DLG2: variants seen among roughly 807,000 people sequenced by gnomAD.
The protein encoded by DLG2 is discs large MAGUK scaffold protein 2.
In DLG2, 45 loss-of-function variants were observed where a neutral mutation model predicts 132.5. The observed-to-expected ratio is 0.34, with a 90% CI of 0.27 to 0.44. The LOEUF is 0.44. DLG2 is among the 20% of genes least tolerant of loss of function. The pLI, the probability that DLG2 is intolerant of heterozygous loss-of-function variation, is 1.00. For missense variants in DLG2, 1,045 were observed against 1,196.9 expected (o/e 0.87, Z 1.87); for synonymous variants, 424 against 419.6 (o/e 1.01, Z -0.13).
At chr11:85,606,609 C>G (rs2080566028) in intron 2 of DLG2, among the ~76,000 whole-genome samples, 1 of 152,180 alleles carries the variant, frequency 6.6e-6, no homozygotes, top group Non-Finnish European at 1.5e-5. Flanking sequence ...GAGCCAGCAG[C>G]AGCAACCTGC....
At chr11:84,339,784 G>A (rs1228562290) in intron 7 of DLG2, among the ~76,000 whole-genome samples, 5 of 152,166 alleles carry the variant, frequency 3.3e-5, no homozygotes, top group East Asian at 3.9e-4. Flanking sequence ...TACTCATAGA[G>A]CATTGTTGCT....
At chr11:84,953,944 G>A (rs2051290772) in intron 6 of DLG2, among the ~76,000 whole-genome samples, 1 of 152,032 alleles carries the variant, frequency 6.6e-6, no homozygotes, top group Non-Finnish European at 1.5e-5. Context: ...ATGCTAAGGT[G>A]TGCCTTAGTA....
intron 3 of DLG2, among the ~76,000 whole-genome samples, chr11:85,503,935 AAGGAGG>A (rs377380905): frequency 8.6e-5 from 13 of 151,614 alleles, no homozygotes; most frequent in African/African-American, 1.9e-4. Context: ...CTGTCTCAAG[AAGGAGG>A]AGGAGGAGGA....
At chr11:83,993,426 G>A (rs2093835277) in intron 11 of DLG2, among the ~76,000 whole-genome samples, 1 of 152,206 alleles carries the variant, frequency 6.6e-6, no homozygotes, top group Non-Finnish European at 1.5e-5. Flanking sequence ...ATATTGGCTG[G>A]TGAAGAATTA....
chr11:84,391,002 A>T (rs1055875712), intron 7 of DLG2, among the ~76,000 whole-genome samples: 4 of 152,154 alleles, frequency 2.6e-5, no homozygotes, highest in African/African-American at 9.7e-5. Context: ...GAAACTGCTT[A>T]TGCTAATTCT....
chr11:84,375,343 T>C (rs1381341740), intron 7 of DLG2, among the ~76,000 whole-genome samples: 2 of 152,158 alleles, frequency 1.3e-5, no homozygotes, highest in Non-Finnish European at 2.9e-5. Flanking sequence ...GCTATAATTA[T>C]TGCGCTGTTT....
intron 11 of DLG2, among the ~76,000 whole-genome samples, chr11:83,984,173 G>C (rs1018152872): frequency 6.8e-6 from 1 of 147,624 alleles, no homozygotes; most frequent in African/African-American, 2.5e-5. Flanking sequence ...AAGCACTATG[G>C]ATACTGTAGA....
At chr11:83,912,256 C>T (rs547529569) in intron 15 of DLG2, among the ~76,000 whole-genome samples, 3 of 152,088 alleles carry the variant, frequency 2.0e-5, no homozygotes, top group South Asian at 2.1e-4. Context: ...TTATTGATGA[C>T]GACTTGTATA....
intron 6 of DLG2, among the ~76,000 whole-genome samples, chr11:84,986,667 A>G (rs1242694596): frequency 6.6e-6 from 1 of 152,216 alleles, no homozygotes; most frequent in African/African-American, 2.4e-5. Flanking sequence ...AAATCACATG[A>G]TCATCTCAAT....
chr11:83,498,407 GA>G (rs769754158), intron 21 of DLG2, among the ~76,000 whole-genome samples: 3 of 151,846 alleles, frequency 2.0e-5, no homozygotes, highest in Admixed American at 6.6e-5. Context: ...AAGGAATTTG[GA>G]AAATTCTCAA....
At chr11:85,606,055 A>G (rs1291192290) in intron 2 of DLG2, among the ~76,000 whole-genome samples, 1 of 152,176 alleles carries the variant, frequency 6.6e-6, no homozygotes, top group Non-Finnish European at 1.5e-5. Context: ...GCATACGTAC[A>G]ATGTTAACAA....
intron 11 of DLG2, among the ~76,000 whole-genome samples, chr11:83,998,508 C>T (rs770913987): frequency 6.6e-6 from 1 of 152,142 alleles, no homozygotes; most frequent in Non-Finnish European, 1.5e-5. Context: ...GGAAGCAAGG[C>T]ATCCTGCTTG....
At chr11:85,557,030 T>C (rs1369016065) in intron 3 of DLG2, among the ~76,000 whole-genome samples, 1 of 151,808 alleles carries the variant, frequency 6.6e-6, no homozygotes, top group Non-Finnish European at 1.5e-5. Flanking sequence ...TATGATTCCA[T>C]ACCTAGAAAA....
At chr11:85,103,992 A>C (rs552340922) in intron 6 of DLG2, among the ~76,000 whole-genome samples, 9 of 152,116 alleles carry the variant, frequency 5.9e-5, no homozygotes, top group Non-Finnish European at 1.2e-4. Flanking sequence ...ATAATTCAAA[A>C]TCAAAACCAA....
At chr11:85,522,849 T>C (rs2074424987) in intron 3 of DLG2, among the ~76,000 whole-genome samples, 1 of 152,220 alleles carries the variant, frequency 6.6e-6, no homozygotes, top group South Asian at 2.1e-4. Context: ...CTTTCTATTT[T>C]ACAGGCTCAC....
At chr11:83,725,994 A>G (rs755007688) in intron 18 of DLG2, among the ~76,000 whole-genome samples, 16 of 152,168 alleles carry the variant, frequency 1.1e-4, no homozygotes, top group Admixed American at 9.8e-4. Context: ...ACTTTATAAC[A>G]CTTAAAGAGC....
At chr11:84,128,460 C>T (rs1187427657) in intron 9 of DLG2, among the ~76,000 whole-genome samples, 1 of 152,040 alleles carries the variant, frequency 6.6e-6, no homozygotes, top group Non-Finnish European at 1.5e-5. Context: ...TTTAGTATTA[C>T]CTACAGATTT....
At chr11:84,607,745 T>C (rs771680914) in intron 6 of DLG2, among the ~76,000 whole-genome samples, 5 of 152,026 alleles carry the variant, frequency 3.3e-5, no homozygotes, top group East Asian at 1.9e-4. Flanking sequence ...CTAGTAAGTA[T>C]TGATCCCCAT....
intron 11 of DLG2, among the ~76,000 whole-genome samples, chr11:84,027,846 T>A (rs773672596): frequency 6.6e-6 from 1 of 152,056 alleles, no homozygotes; most frequent in South Asian, 2.1e-4. Flanking sequence ...TGTAAAATAA[T>A]GTAGGTCTAT....
Sources: allele counts gnomAD v4.1 joint callset (sites outside exome capture counted in the v4.1 genomes callset), GRCh38; gene constraint gnomAD v4.1.1; transcripts MANE v1.5; gene names NCBI Gene and HGNC (gene_info 2026-07-23, HGNC 2026-07-21).